The following CCDC68 variants were observed in gnomAD, a reference collection of about 807,000 sequenced individuals.
CCDC68 encodes the protein coiled-coil domain-containing protein 68.
CCDC68 carries 45 observed loss-of-function variants against 47.1 expected under a neutral mutation model. The observed-to-expected ratio is 0.96, with a 90% CI of 0.75 to 1.23. The LOEUF (loss-of-function observed/expected upper bound fraction) is 1.23, where lower values mean the gene tolerates loss of function less well. Among genes scored for constraint, CCDC68 ranks in the 50% most tolerant of loss-of-function variants. The pLI is 0.00. For missense variants in CCDC68, 353 were observed against 373.6 expected (o/e 0.94, Z 0.45); for synonymous variants, 131 against 129.5 (o/e 1.01, Z -0.08).
chr18:54,951,187 C>T (rs2044614571), intron 1 of CCDC68, among the ~76,000 whole-genome samples: 2 of 151,984 alleles, frequency 1.3e-5, no homozygotes, highest in Admixed American at 6.6e-5. Flanking sequence ...GGATTACAGG[C>T]GTGAGCCACC....
At chr18:54,955,022 A>G (rs1039524458) in intron 1 of CCDC68, among the ~76,000 whole-genome samples, 1 of 152,200 alleles carries the variant, frequency 6.6e-6, no homozygotes. Context: ...TAAATTGCCA[A>G]TAAAATAGAC....
chr18:54,956,136 C>T (rs2044709882), intron 1 of CCDC68, among the ~76,000 whole-genome samples: 1 of 152,134 alleles, frequency 6.6e-6, no homozygotes, highest in Non-Finnish European at 1.5e-5. Context: ...ATTACAGGCG[C>T]ATGCCACCAC....
chr18:54,931,195 A>C (rs1423881589), intron 7 of CCDC68, among the ~76,000 whole-genome samples: 1 of 152,216 alleles, frequency 6.6e-6, no homozygotes, highest in Non-Finnish European at 1.5e-5. Context: ...ACAACCGGAC[A>C]AGTAAATGCT....
intron 1 of CCDC68, among the ~76,000 whole-genome samples, chr18:54,950,255 GA>G (rs1180610745): frequency 6.6e-6 from 1 of 152,152 alleles, no homozygotes. Context: ...TTGAATATTA[GA>G]AACTGAAAAA....
intron 10 of CCDC68, among the ~76,000 whole-genome samples, chr18:54,908,143 A>G (rs1914125126): frequency 6.6e-6 from 1 of 152,246 alleles, no homozygotes; most frequent in Non-Finnish European, 1.5e-5. Flanking sequence ...ATTTTATTTT[A>G]CAGAGTTTTA....
In CCDC68 at chr18:54,907,795, A is replaced by T; in HGVS notation, c.941T>A (p.Val314Asp). Residue 314 changes from valine (V) to aspartate (D), a missense_variant, in exon 11 of 12, where the codon GTC (valine) becomes GAC (aspartate). Val to Asp is a radical substitution (Grantham distance 152). Coordinates refer to ENST00000591504, the MANE Select transcript of CCDC68 (RefSeq NM_025214.3). ...AGGACAGAGACCTTACCTTGTAGAG[A>T]CAGCCTTAGATACCTTTGTCCTAGG... Reference protein sequence around the residue: ...ETPRTKVSKAVSTSELKTEGV... With the variant: ...ETPRTKVSKADSTSELKTEGV... 2 of 1,589,492 alleles carry T rather than the reference A, an allele frequency of 1.3e-6. No individual in the cohort carries two copies. The highest frequency in any genetic ancestry group is 1.7e-6 in the Non-Finnish European group (2 of 1,157,562).
At chr18:54,946,835 T>G (rs1568161365) in intron 1 of CCDC68, among the ~76,000 whole-genome samples, 1 of 151,874 alleles carries the variant, frequency 6.6e-6, no homozygotes, top group African/African-American at 2.4e-5. Flanking sequence ...AAAATGAGTT[T>G]TTTTTTTTTA....
At chr18:54,942,180 T>A (rs925815027) in intron 3 of CCDC68, among the ~76,000 whole-genome samples, 2 of 152,210 alleles carry the variant, frequency 1.3e-5, no homozygotes, top group Non-Finnish European at 2.9e-5. Flanking sequence ...CCATTATCAT[T>A]TTGGATTCTC....
chr18:54,945,941 C>A (rs2044517406), intron 1 of CCDC68, among the ~76,000 whole-genome samples: 1 of 152,186 alleles, frequency 6.6e-6, no homozygotes, highest in Non-Finnish European at 1.5e-5. Flanking sequence ...TAGGGGTCAG[C>A]AAACCCCAGC....
Position 54,907,847 on chromosome 18 carries a change from T to C in CCDC68, c.889A>G (p.Thr297Ala). 1 of 1,599,034 alleles carries C rather than the reference T, an allele frequency of 6.3e-7. No homozygotes were observed. The highest frequency in any genetic ancestry group is 8.6e-7 in the Non-Finnish European group (1 of 1,166,400). Residue 297 changes from threonine (T) to alanine (A), a missense_variant, in exon 11 of 12, where the codon ACC (threonine) becomes GCC (alanine). By Grantham distance (58) the Thr-to-Ala change is moderately conservative. Coordinates refer to ENST00000591504, the MANE Select transcript of CCDC68 (RefSeq NM_025214.3). Reference sequence around the variant, plus strand: ...GTTTCAGATGAAAGTGCTACCTGGGTTTTTAGTTCTTTATTCTAAAATTGA... The same window carrying C: ...GTTTCAGATGAAAGTGCTACCTGGGCTTTTAGTTCTTTATTCTAAAATTGA... ...ILEAQNKELK[T>A]QVALSSETPR...
chr18:54,922,920 G>C (rs900966270), intron 8 of CCDC68, among the ~76,000 whole-genome samples: 2 of 150,506 alleles, frequency 1.3e-5, no homozygotes, highest in African/African-American at 4.9e-5. Context: ...CCCAGGAGGT[G>C]GAGGTTGCAG....
chr18:54,950,803 T>TATA (rs35471289), intron 1 of CCDC68, among the ~76,000 whole-genome samples: 1 of 87,196 alleles, frequency 1.1e-5, no homozygotes, highest in Non-Finnish European at 2.3e-5. Flanking sequence ...TATATATATA[T>TATA]GATGCAATAA....
At chr18:54,918,604 A>G (rs2043996210) in intron 9 of CCDC68, among the ~76,000 whole-genome samples, 1 of 152,210 alleles carries the variant, frequency 6.6e-6, no homozygotes, top group African/African-American at 2.4e-5. Flanking sequence ...CCACTACTCA[A>G]TTCTCTGGCC....
At chr18:54,904,544 A>C (rs1913873603) in intron 11 of CCDC68, 129 bp from the exon 12 acceptor site, 1 of 709,834 alleles carries the variant, frequency 1.4e-6, no homozygotes, top group Admixed American at 2.5e-5. Flanking sequence ...GTTCTAAGAG[A>C]TGTGTTAATA....
intron 2 of CCDC68, among the ~76,000 whole-genome samples, chr18:54,943,317 T>C (rs566054940): frequency 6.6e-6 from 1 of 152,262 alleles, no homozygotes; most frequent in South Asian, 2.1e-4. Context: ...TCAACTGCTA[T>C]GGAGCCATCA....
chr18:54,910,501 C>T (rs1811070546), intron 10 of CCDC68, among the ~76,000 whole-genome samples: 1 of 152,172 alleles, frequency 6.6e-6, no homozygotes, highest in East Asian at 1.9e-4. Context: ...CAAAAGGCAA[C>T]ACAAGTTCTT....
chr18:54,929,104 A>G (rs1224464027), intron 7 of CCDC68, among the ~76,000 whole-genome samples: 1 of 152,172 alleles, frequency 6.6e-6, no homozygotes, highest in Non-Finnish European at 1.5e-5. Flanking sequence ...ACCTGCCTGG[A>G]GGACTTCTTC....
At chr18:54,920,864 C>G (rs759133275) in intron 8 of CCDC68, among the ~76,000 whole-genome samples, 1 of 152,112 alleles carries the variant, frequency 6.6e-6, no homozygotes, top group African/African-American at 2.4e-5. Flanking sequence ...AAAGGAAAAC[C>G]GATCATTCTA....
rs547079620 is a variant in CCDC68, at chr18:54,904,433, C to A, written c.951-18G>T. 1 of 1,603,638 alleles carries A rather than the reference C, an allele frequency of 6.2e-7. No individual in the cohort carries two copies. Among genetic ancestry groups the A allele is most frequent in the East Asian group, 2.2e-5 (1 of 44,782 alleles). On this transcript the variant is annotated intron_variant, in intron 11 of 11. Coordinates refer to ENST00000591504, the MANE Select transcript of CCDC68 (RefSeq NM_025214.3). ...TCAATTCACTGTAGAAAAGACAACA[C>A]GATGATCAAAATGGAGAATGTTAAA...
Sources: allele counts gnomAD v4.1 joint callset (sites outside exome capture counted in the v4.1 genomes callset), GRCh38; gene constraint gnomAD v4.1.1; transcripts MANE v1.5; gene names NCBI Gene and HGNC (gene_info 2026-07-23, HGNC 2026-07-21).